The following PTPRG variants were observed in gnomAD, a reference collection of about 807,000 sequenced individuals.
The protein encoded by PTPRG is receptor-type tyrosine-protein phosphatase gamma.
In PTPRG, 102 loss-of-function variants were observed where a neutral mutation model predicts 165.3. The ratio of observed to expected loss-of-function variants is 0.62; its 90% CI spans 0.53 to 0.73. The LOEUF (loss-of-function observed/expected upper bound fraction) is 0.73. PTPRG is among the 30% of genes least tolerant of loss of function. The pLI, the probability that PTPRG is intolerant of heterozygous loss-of-function variation, is 0.00. For missense variants in PTPRG, 1,866 were observed against 1,861.4 expected (o/e 1.00, Z -0.05); for synonymous variants, 675 against 669.5 (o/e 1.01, Z -0.13).
intron 2 of PTPRG, among the ~76,000 whole-genome samples, chr3:61,822,491 G>A (rs2035983218): frequency 1.3e-5 from 2 of 152,302 alleles, no homozygotes; most frequent in South Asian, 4.1e-4. Flanking sequence ...GGTAATGAAT[G>A]TAGAACAGCG....
chr3:61,732,868 C>G (rs1198973105), intron 1 of PTPRG, among the ~76,000 whole-genome samples: 1 of 152,196 alleles, frequency 6.6e-6, no homozygotes, highest in Non-Finnish European at 1.5e-5. Context: ...GGAACATTCC[C>G]TTTTTCTGTT....
intron 5 of PTPRG, among the ~76,000 whole-genome samples, chr3:62,100,338 A>G (rs2106824224): frequency 6.6e-6 from 1 of 152,308 alleles, no homozygotes; most frequent in Admixed American, 6.5e-5. Context: ...TCTTAAACAG[A>G]AAACCGACAC....
chr3:62,201,418 G>A, intron 10 of PTPRG, 87 bp from the exon 11 acceptor site: 1 of 1,052,478 alleles, frequency 9.5e-7, no homozygotes, highest in Non-Finnish European at 1.4e-6. Context: ...AAAATTATAT[G>A]TAATTCAGAT....
intron 1 of PTPRG, chr3:61,743,238 T>A: frequency 3.0e-6 from 2 of 666,008 alleles, no homozygotes; most frequent in Non-Finnish European, 5.4e-6. Flanking sequence ...AACTCCCTGA[T>A]GAAAATACCT....
intron 19 of PTPRG, 121 bp from the exon 20 acceptor site, chr3:62,268,914 C>CT: frequency 1.7e-6 from 2 of 1,144,122 alleles, no homozygotes; most frequent in Non-Finnish European, 2.4e-6. Context: ...TCACGTATTC[C>CT]TTTTTCAGTC....
intron 15 of PTPRG, among the ~76,000 whole-genome samples, chr3:62,244,851 C>T (rs1016699623): frequency 1.3e-5 from 2 of 152,082 alleles, no homozygotes; most frequent in Non-Finnish European, 2.9e-5. Flanking sequence ...CATGAATGAA[C>T]GTTAGAAAAA....
chr3:61,977,635 A>T (rs2040540409), intron 2 of PTPRG, among the ~76,000 whole-genome samples: 1 of 152,010 alleles, frequency 6.6e-6, no homozygotes, highest in Admixed American at 6.6e-5. Context: ...TTCTACCTCC[A>T]TTTGAAATTT....
intron 28 of PTPRG, among the ~76,000 whole-genome samples, chr3:62,289,264 A>G (rs1702783712): frequency 1.3e-5 from 2 of 152,216 alleles, no homozygotes; most frequent in Admixed American, 1.3e-4. Context: ...CAGTACATGT[A>G]AATACCTATA....
intron 1 of PTPRG, among the ~76,000 whole-genome samples, chr3:61,707,748 T>C (rs140064298): frequency 6.6e-6 from 1 of 152,232 alleles, no homozygotes; most frequent in African/African-American, 2.4e-5. Context: ...ACATAAACTT[T>C]ACCGTCATAG....
intron 1 of PTPRG, among the ~76,000 whole-genome samples, chr3:61,569,392 G>A (rs1192797763): frequency 2.6e-5 from 4 of 152,184 alleles, no homozygotes; most frequent in Non-Finnish European, 4.4e-5. Context: ...TAAAGTCTTT[G>A]TGAGGCTTGA....
intron 4 of PTPRG, among the ~76,000 whole-genome samples, chr3:62,049,716 G>A (rs1412079366): frequency 6.6e-6 from 1 of 152,144 alleles, no homozygotes; most frequent in African/African-American, 2.4e-5. Flanking sequence ...TACGAGTTGT[G>A]CAGTACTCAC....
chr3:61,943,698 C>T (rs1306752054), intron 2 of PTPRG, among the ~76,000 whole-genome samples: 2 of 152,242 alleles, frequency 1.3e-5, no homozygotes, highest in African/African-American at 4.8e-5. Context: ...GATTTACTGT[C>T]ACCATCATGC....
chr3:61,668,304 A>G (rs866531946), intron 1 of PTPRG, among the ~76,000 whole-genome samples: 1 of 152,214 alleles, frequency 6.6e-6, no homozygotes, highest in East Asian at 1.9e-4. Context: ...TTTACAGGAC[A>G]CCCCTCTATC....
chr3:61,638,884 T>C (rs115400614), intron 1 of PTPRG, among the ~76,000 whole-genome samples: 3,346 of 152,236 alleles, frequency 0.022, 102 homozygotes, highest in African/African-American at 0.075. Flanking sequence ...TCTGCTGATA[T>C]TTTTCTTTTG....
At chr3:61,651,271 A>T (rs1429043252) in intron 1 of PTPRG, among the ~76,000 whole-genome samples, 2 of 151,956 alleles carry the variant, frequency 1.3e-5, no homozygotes, top group Non-Finnish European at 2.9e-5. Flanking sequence ...GTTCTTGTGT[A>T]TTGATTTCAG....
At chr3:62,288,769 T>C (rs1271101867) in intron 28 of PTPRG, among the ~76,000 whole-genome samples, 1 of 152,128 alleles carries the variant, frequency 6.6e-6, no homozygotes, top group Non-Finnish European at 1.5e-5. Flanking sequence ...TACTAAATTA[T>C]GACTAAAACA....
chr3:61,938,127 A>G (rs1449714430), intron 2 of PTPRG, among the ~76,000 whole-genome samples: 1 of 151,604 alleles, frequency 6.6e-6, no homozygotes, highest in Admixed American at 6.6e-5. Context: ...CTTCCTTTGC[A>G]TTTAAATTTC....
chr3:61,980,168 TTTAAACCAGACC>T (rs1349729916), intron 2 of PTPRG, among the ~76,000 whole-genome samples: 1 of 152,214 alleles, frequency 6.6e-6, no homozygotes, highest in Non-Finnish European at 1.5e-5. Flanking sequence ...CCTGGCCGTG[TTTAAACCAGACC>T]TTAACTGCCA....
chr3:62,012,270 C>G lies in PTPRG; in HGVS notation c.519+8773C>G, dbSNP rs188153533. On this transcript the variant is annotated intron_variant, in intron 4 of 29. Transcript: ENST00000474889. Reference sequence around the variant, plus strand: ...CTGTTAGTACTCCAGAATCTGGGCTCGAATATCTCCAACACCTTAACCATA... The same window carrying G: ...CTGTTAGTACTCCAGAATCTGGGCTGGAATATCTCCAACACCTTAACCATA... 1.0e-3 allele frequency among the ~76,000 whole-genome samples: 155 copies of G among 152,208 alleles called. 1 individual carries two copies. The highest frequency in any genetic ancestry group is 3.5e-3 in the African/African-American group (147 of 41,536).
Sources: gnomAD v4.1 joint callset for allele counts (sites outside exome capture counted in the v4.1 genomes callset) on GRCh38, gnomAD v4.1.1 for gene constraint, MANE v1.5 for transcripts, NCBI Gene and HGNC (gene_info 2026-07-23, HGNC 2026-07-21) for gene names.